The following PCCA variants were observed in gnomAD, a reference collection of about 807,000 sequenced individuals.
PCCA encodes the protein propionyl-CoA carboxylase alpha chain, mitochondrial.
In PCCA, 74 loss-of-function variants were observed where a neutral mutation model predicts 101.3. That is an observed-to-expected ratio of 0.73 (90% confidence interval 0.61 to 0.89). PCCA has a LOEUF of 0.89. PCCA is among the 40% of genes least tolerant of loss of function. PCCA has a pLI of 0.00. For missense variants in PCCA, 891 were observed against 907.0 expected (o/e 0.98, Z 0.23); for synonymous variants, 294 against 313.6 (o/e 0.94, Z 0.66).
intron 21 of PCCA, among the ~76,000 whole-genome samples, chr13:100,508,230 C>T (rs1202874719): frequency 1.3e-5 from 2 of 152,156 alleles, no homozygotes; most frequent in African/African-American, 2.4e-5. Flanking sequence ...TAAGGAAACC[C>T]TCCCCATTTT....
At chr13:100,217,421 G>C (rs1314987039) in intron 7 of PCCA, among the ~76,000 whole-genome samples, 2 of 150,480 alleles carry the variant, frequency 1.3e-5, no homozygotes, top group African/African-American at 2.4e-5. Flanking sequence ...CCCAGCCTGG[G>C]TGACAGAGCG....
intron 22 of PCCA, among the ~76,000 whole-genome samples, chr13:100,525,195 G>A (rs537153982): frequency 1.6e-4 from 25 of 152,272 alleles, no homozygotes; most frequent in Non-Finnish European, 2.6e-4. Flanking sequence ...AGATGGGATC[G>A]CTTCAGTGGG....
At chr13:100,441,441 A>G (rs1446747045) in intron 20 of PCCA, among the ~76,000 whole-genome samples, 2 of 152,168 alleles carry the variant, frequency 1.3e-5, no homozygotes, top group Non-Finnish European at 2.9e-5. Context: ...CTAGGAAGGT[A>G]TTTTTGGAAC....
intron 6 of PCCA, among the ~76,000 whole-genome samples, chr13:100,173,143 G>A (rs1024575176): frequency 1.1e-4 from 16 of 152,194 alleles, no homozygotes; most frequent in Admixed American, 9.2e-4. Context: ...CCTCCCAAAA[G>A]CTAGCAGTGG....
At chr13:100,399,484 G>C (rs1318983633) in intron 19 of PCCA, among the ~76,000 whole-genome samples, 1 of 152,166 alleles carries the variant, frequency 6.6e-6, no homozygotes, top group Non-Finnish European at 1.5e-5. Context: ...TTGTAGACTT[G>C]TAAATGTTAA....
intron 1 of PCCA, among the ~76,000 whole-genome samples, chr13:100,098,148 G>A (rs2046945975): frequency 6.6e-6 from 1 of 152,042 alleles, no homozygotes. Flanking sequence ...CTATAATTGT[G>A]CCTGTGAGTA....
chr13:100,491,490 G>C, intron 21 of PCCA: 1 of 342,040 alleles, frequency 2.9e-6, no homozygotes, highest in South Asian at 2.9e-5. Context: ...AAATGGAAAG[G>C]GTAATTTACC....
chr13:100,458,061 T>C (rs2152937182), intron 21 of PCCA, among the ~76,000 whole-genome samples: 1 of 152,298 alleles, frequency 6.6e-6, no homozygotes, highest in Middle Eastern at 3.4e-3. Flanking sequence ...CCATGTCTGC[T>C]TATAGATTTC....
intron 18 of PCCA, among the ~76,000 whole-genome samples, chr13:100,357,010 C>T (rs1341724364): frequency 2.0e-5 from 3 of 152,034 alleles, no homozygotes; most frequent in Non-Finnish European, 4.4e-5. Flanking sequence ...CTATAGAAAT[C>T]GAAAGTACAT....
intron 12 of PCCA, among the ~76,000 whole-genome samples, chr13:100,301,179 T>C (rs1390364280): frequency 6.6e-6 from 1 of 152,212 alleles, no homozygotes; most frequent in Admixed American, 6.5e-5. Flanking sequence ...AGTTTCAAAA[T>C]TAAAATTCTT....
At chr13:100,183,539 G>T (rs1485465879) in intron 6 of PCCA, among the ~76,000 whole-genome samples, 2 of 152,178 alleles carry the variant, frequency 1.3e-5, no homozygotes, top group African/African-American at 4.8e-5. Flanking sequence ...CATCCATTTT[G>T]ATGGAGGAGA....
chr13:100,393,766 A>G (rs548639570), intron 19 of PCCA, among the ~76,000 whole-genome samples: 1 of 148,174 alleles, frequency 6.7e-6, no homozygotes, highest in African/African-American at 2.7e-5. Context: ...GTTTATAAGG[A>G]AAAAAAGTTA....
intron 19 of PCCA, among the ~76,000 whole-genome samples, chr13:100,384,296 G>T (rs2076387908): frequency 6.6e-6 from 1 of 152,220 alleles, no homozygotes; most frequent in African/African-American, 2.4e-5. Flanking sequence ...AAAGTTTTGG[G>T]ATTACAGGCG....
At chr13:100,215,938 C>A (rs2059480162) in intron 7 of PCCA, among the ~76,000 whole-genome samples, 1 of 152,090 alleles carries the variant, frequency 6.6e-6, no homozygotes, top group African/African-American at 2.4e-5. Context: ...TGTGCGCAGC[C>A]CTGCCGTATA....
At chr13:100,118,409 T>C (rs1443764098) in intron 4 of PCCA, among the ~76,000 whole-genome samples, 1 of 152,192 alleles carries the variant, frequency 6.6e-6, no homozygotes, top group Non-Finnish European at 1.5e-5. Flanking sequence ...TAATCTAAAA[T>C]AGTGCCCCTA....
intron 12 of PCCA, among the ~76,000 whole-genome samples, chr13:100,299,519 A>G: frequency 6.6e-6 from 1 of 152,340 alleles, no homozygotes; most frequent in East Asian, 1.9e-4. Flanking sequence ...GTGACCACTT[A>G]CCATAGATGT....
chr13:100,089,237 C>G lies in PCCA; in HGVS notation c.105+12C>G. On this transcript the variant is annotated intron_variant, in intron 1 of 23. Coordinates refer to ENST00000376285, the MANE Select transcript of PCCA (RefSeq NM_000282.4). ...TGCGGACCCTGAAGGTGAGGAGCAA[C>G]GGGGCCTCGCGGGTCCGGGCTTCAC... is the stretch of plus-strand genomic sequence containing the variant. The G allele has an allele frequency of 6.7e-7, 1 of 1,486,804 alleles. No individual in the cohort carries two copies. The allele number at this position is 1,486,804 out of a possible 1,614,324, so 92.1% of individuals were successfully genotyped here. A position where few individuals can be genotyped will look rare whatever the true frequency, so the allele number is the denominator to read the frequency against.
At position 100,258,163 on chromosome 13, in the gene PCCA, G is replaced by C. The variant is rs768121432; in HGVS notation, c.716+490G>C. On this transcript the variant is annotated intron_variant, in intron 9 of 23. Transcript: ENST00000376285. ...TGTGAAATATATTCTTTTTCCTTGA[G>C]TTTGAAATTACTGTGTCCTTTATAT... Among the ~76,000 whole-genome samples, 6 of 152,234 alleles carry C rather than the reference G, an allele frequency of 3.9e-5. No individual in the cohort carries two copies. The South Asian group carries it at 6.2e-4, about 16-fold the overall frequency.
At chr13:100,502,149 T>C (rs2152989151) in intron 21 of PCCA, among the ~76,000 whole-genome samples, 1 of 152,316 alleles carries the variant, frequency 6.6e-6, no homozygotes, top group Middle Eastern at 3.4e-3. Flanking sequence ...TATTTCTGAT[T>C]GTAAATTCCT....
Sources: allele counts gnomAD v4.1 joint callset (sites outside exome capture counted in the v4.1 genomes callset), GRCh38; gene constraint gnomAD v4.1.1; transcripts MANE v1.5; gene names NCBI Gene and HGNC (gene_info 2026-07-23, HGNC 2026-07-21).